The following RAD51B variants were observed in gnomAD, a reference collection of about 807,000 sequenced individuals.
RAD51B encodes DNA repair protein RAD51 homolog 2.
Under a neutral mutation model 42.2 loss-of-function variants are expected in RAD51B, and 38 were observed. That is an observed-to-expected ratio of 0.90 (90% CI 0.70 to 1.18). The LOEUF (loss-of-function observed/expected upper bound fraction) is 1.18. Among genes scored for constraint, RAD51B ranks in the 50% most tolerant of loss-of-function variants. RAD51B has a pLI of 0.00. For missense variants in RAD51B, 373 were observed against 400.7 expected, an observed-to-expected ratio of 0.93 and a Z score of 0.59; for synonymous variants, 154 against 145.2, an observed-to-expected ratio of 1.06 and a Z score of -0.43.
chr14:68,521,685 G>A (rs1886593254), intron 10 of RAD51B, among the ~76,000 whole-genome samples: 1 of 152,202 alleles, frequency 6.6e-6, no homozygotes, highest in Non-Finnish European at 1.5e-5. Context: ...AGCTGGGGCT[G>A]CCACCCTGTT....
chr14:68,017,130 A>C (rs1770883595), intron 7 of RAD51B, among the ~76,000 whole-genome samples: 1 of 152,126 alleles, frequency 6.6e-6, no homozygotes, highest in African/African-American at 2.4e-5. Flanking sequence ...TTTTGTCACA[A>C]AACCAAATTC....
chr14:68,629,756 G>C (rs373254974), intron 10 of RAD51B, among the ~76,000 whole-genome samples: 7 of 152,184 alleles, frequency 4.6e-5, no homozygotes, highest in African/African-American at 1.7e-4. Context: ...GCTGCAAAAA[G>C]CATACATACG....
chr14:68,347,360 G>T (rs1036790318), intron 8 of RAD51B, among the ~76,000 whole-genome samples: 1 of 152,096 alleles, frequency 6.6e-6, no homozygotes, highest in African/African-American at 2.4e-5. Context: ...AATGATTGGG[G>T]GTCCCCTGTA....
chr14:68,626,319 G>A (rs1277252186), intron 10 of RAD51B, among the ~76,000 whole-genome samples: 2 of 152,248 alleles, frequency 1.3e-5, no homozygotes, highest in Non-Finnish European at 1.5e-5. Flanking sequence ...TGAGCTATCA[G>A]GAGGTCCTCT....
downstream of RAD51B, among the ~76,000 whole-genome samples, chr14:68,598,294 T>G (rs562409303): frequency 2.0e-5 from 3 of 152,256 alleles, no homozygotes; most frequent in Admixed American, 1.3e-4. Flanking sequence ...CTAGACACCT[T>G]GTGTGTCCAT....
chr14:68,641,041 A>T, intron 10 of RAD51B, among the ~76,000 whole-genome samples: 1 of 152,110 alleles, frequency 6.6e-6, no homozygotes, highest in Non-Finnish European at 1.5e-5. Flanking sequence ...TAAGCAAGAG[A>T]CTGATTATGG....
chr14:68,657,509 T>C (rs1892840348), intron 11 of RAD51B, among the ~76,000 whole-genome samples: 1 of 152,212 alleles, frequency 6.6e-6, no homozygotes, highest in Non-Finnish European at 1.5e-5. Context: ...AGCTGAATAA[T>C]ATACTAAGTG....
intron 7 of RAD51B, among the ~76,000 whole-genome samples, chr14:67,993,061 T>G (rs2140295865): frequency 6.6e-6 from 1 of 152,296 alleles, no homozygotes; most frequent in African/African-American, 2.4e-5. Context: ...CTTCTAATCA[T>G]CCAAGAAACA....
intron 10 of RAD51B, among the ~76,000 whole-genome samples, chr14:68,636,472 A>T (rs1194715180): frequency 6.6e-6 from 1 of 151,138 alleles, no homozygotes; most frequent in African/African-American, 2.4e-5. Flanking sequence ...AGTCCCGGCT[A>T]CTCGGAAGGC....
intron 8 of RAD51B, among the ~76,000 whole-genome samples, chr14:68,326,027 C>CTTTTT (rs1156621815): frequency 2.9e-4 from 15 of 51,634 alleles, no homozygotes; most frequent in East Asian, 1.0e-3. Context: ...TGTTGTTATT[C>CTTTTT]TTTTTCTTTT....
chr14:68,524,622 C>T (rs1285224947), intron 10 of RAD51B, among the ~76,000 whole-genome samples: 1 of 152,192 alleles, frequency 6.6e-6, no homozygotes, highest in Non-Finnish European at 1.5e-5. Context: ...ACTGAGTTAA[C>T]TCACGTTCTC....
At chr14:68,305,597 A>G (rs866850304) in intron 8 of RAD51B, among the ~76,000 whole-genome samples, 2 of 152,362 alleles carry the variant, frequency 1.3e-5, no homozygotes, top group South Asian at 4.1e-4. Flanking sequence ...TGAGAGAAGC[A>G]GATTTTTAAT....
chr14:68,540,619 C>T (rs1266292532), intron 10 of RAD51B: 1 of 985,204 alleles, frequency 1.0e-6, no homozygotes, highest in South Asian at 4.7e-5. Context: ...ACCCCCCAAC[C>T]CAAAGAAAGT....
chr14:68,335,296 CAAAAAAA>C (rs768281887), intron 8 of RAD51B, among the ~76,000 whole-genome samples: 1 of 43,188 alleles, frequency 2.3e-5, no homozygotes, highest in East Asian at 5.7e-4. Context: ...GACCCTGTGT[CAAAAAAA>C]AAAAAAAAAA....
chr14:67,905,846 A>G (rs544453939), intron 7 of RAD51B, among the ~76,000 whole-genome samples: 26 of 152,210 alleles, frequency 1.7e-4, no homozygotes, highest in Non-Finnish European at 3.5e-4. Flanking sequence ...GTATAAAATC[A>G]TATCACCTGC....
chr14:67,869,907 G>C (rs1445455723), intron 5 of RAD51B, among the ~76,000 whole-genome samples: 1 of 151,714 alleles, frequency 6.6e-6, no homozygotes. Context: ...TCACCACCAG[G>C]TCTGCCCTAA....
chr14:68,173,167 C>T (rs536922555), intron 7 of RAD51B, among the ~76,000 whole-genome samples: 15 of 152,262 alleles, frequency 9.9e-5, no homozygotes, highest in African/African-American at 3.6e-4. Flanking sequence ...TAAGTGTACA[C>T]TCATGTATAC....
At chr14:68,123,130 A>T (rs1254019906) in intron 7 of RAD51B, among the ~76,000 whole-genome samples, 1 of 152,148 alleles carries the variant, frequency 6.6e-6, no homozygotes. Flanking sequence ...CTGTTCCATA[A>T]AAATAAAATT....
chr14:68,101,210 G>A (rs879630762), intron 7 of RAD51B, among the ~76,000 whole-genome samples: 1 of 152,112 alleles, frequency 6.6e-6, no homozygotes, highest in Non-Finnish European at 1.5e-5. Flanking sequence ...TGTAATTCAA[G>A]GTAAGATTTG....
Sources: allele counts gnomAD v4.1 joint callset (sites outside exome capture counted in the v4.1 genomes callset), GRCh38; gene constraint gnomAD v4.1.1; transcripts MANE v1.5; gene names NCBI Gene and HGNC (gene_info 2026-07-23, HGNC 2026-07-21).